UTS2R: variants seen among roughly 807,000 people sequenced by gnomAD.
UTS2R encodes urotensin-2 receptor.
For missense variants in UTS2R, 653 were observed against 562.2 expected, an observed-to-expected ratio of 1.16 and a Z score of -1.63; for synonymous variants, 335 against 280.9, an observed-to-expected ratio of 1.19 and a Z score of -1.93.
Position 82,375,517 on chromosome 17 carries a change from TC to T in UTS2R, c.*25del. On this transcript the variant is annotated 3_prime_UTR_variant, in exon 3 of 3. Coordinates refer to ENST00000313135, the MANE Select transcript of UTS2R (RefSeq NM_018949.3). The stretch of plus-strand genomic sequence containing the variant: ...TGAGCACGCGGAGGGGCGGCTGGAG[TC>T]CAGGCGGGGACGCGCCCCAAAGCCC... 1 of 1,056,720 alleles carries T rather than the reference TC, an allele frequency of 9.5e-7. No individual in the cohort carries two copies. The highest frequency in any genetic ancestry group is 1.3e-6 in the Non-Finnish European group (1 of 772,936). The allele number at this position is 1,056,720 out of a possible 1,614,324, so 65.5% of individuals were successfully genotyped here.
In UTS2R at chr17:82,377,083, A is replaced by G. The variant is rs1049381105; in HGVS notation, c.*1589A>G. Among the ~76,000 whole-genome samples the G allele has an allele frequency of 1.3e-5, 2 of 152,212 alleles. No homozygotes were observed. The highest frequency in any genetic ancestry group is 2.4e-5 in the African/African-American group (1 of 41,436). Reference sequence around the variant, plus strand: ...TGGTTGCCGTGTCTGTGTAGAAAGAAGTAGACATGGGAGACTTTTCATTTT... The same window carrying G: ...TGGTTGCCGTGTCTGTGTAGAAAGAGGTAGACATGGGAGACTTTTCATTTT... On this transcript the variant is annotated 3_prime_UTR_variant, in exon 3 of 3. Transcript: ENST00000313135.
rs2052469294 is a variant in UTS2R, at chr17:82,374,229, T to G, written c.-82-14T>G. On this transcript the variant is annotated splice_polypyrimidine_tract_variant and intron_variant, in intron 2 of 2. Transcript: ENST00000313135. ...GAGCGGAAGGTGTTGCCTGATTTGC[T>G]TCTTTCCCCACAGGCTGAGCTGGTT... The G allele has an allele frequency of 9.8e-7, 1 of 1,019,648 alleles. No individual in the cohort carries two copies. The highest frequency in any genetic ancestry group is 2.9e-5 in the Admixed American group (1 of 34,514). 63.2% of individuals were successfully genotyped at this position (1,019,648 alleles called of 1,614,324 possible).
Position 82,373,286 on chromosome 17 carries a change from C to T in UTS2R, c.-83+503C>T, listed in dbSNP as rs187460072. Among the ~76,000 whole-genome samples, 10 of 152,238 alleles carry T rather than the reference C, an allele frequency of 6.6e-5. No individual in the cohort carries two copies. The East Asian group carries it at 1.3e-3, about 21-fold the overall frequency. ...AAACAATTCTCCTGCCTCAGCCTCC[C>T]GAGCAGCTGGGATTACAGGCGTGTG... On this transcript the variant is annotated intron_variant, in intron 2 of 2. Coordinates refer to ENST00000313135, the MANE Select transcript of UTS2R (RefSeq NM_018949.3).
chr17:82,374,907 C>T lies in UTS2R; in HGVS notation c.583C>T (p.Pro195Ser). 8.4e-7 allele frequency: 1 copy of T among 1,193,180 alleles called. No homozygotes were observed. Among genetic ancestry groups the T allele is most frequent in the Non-Finnish European group, 1.2e-6 (1 of 831,874 alleles). 73.9% of individuals were successfully genotyped at this position (1,193,180 alleles called of 1,614,324 possible). A position where few individuals can be genotyped will look rare whatever the true frequency, so the allele number is the denominator to read the frequency against. ...GGCCATGCGGCTGGTGCGCCGGGGT[C>T]CCAAGAGCCTGTGCCTGCCCGCCTG... ...MLAMRLVRRG[P>S]KSLCLPAWGP... is the part of the protein sequence containing the mutation. The change falls in exon 3 of 3, where the codon CCC becomes TCC. Residue 195 changes from proline to serine, a missense_variant. Coordinates refer to ENST00000313135, the MANE Select transcript of UTS2R (RefSeq NM_018949.3).
rs1461746446 is a variant in UTS2R at position 82,374,957 on chromosome 17, C to T, written c.633C>T (p.Tyr211=). ...PAWGPRAHRA[Y]LTLLFATSIA... ...GGGGCCCGCGCGCCCACCGCGCCTA[C>T]CTGACGCTGCTCTTCGCCACCAGCA... The change falls in exon 3 of 3, where the codon TAC becomes TAT. Residue 211 remains tyrosine, a synonymous_variant. Transcript: ENST00000313135. 5.2e-5 allele frequency: 60 copies of T among 1,146,724 alleles called. No homozygotes were observed. The Admixed American group carries it at 1.2e-3, about 23-fold the overall frequency. 71.0% of individuals were successfully genotyped at this position (1,146,724 alleles called of 1,614,324 possible).
In UTS2R at chr17:82,377,230, G is replaced by A. The variant is rs1452388509; in HGVS notation, c.*1736G>A. 6.6e-6 allele frequency among the ~76,000 whole-genome samples: 1 copy of A among 152,112 alleles called. No homozygotes were observed. Among genetic ancestry groups the A allele is most frequent in the South Asian group, 2.1e-4 (1 of 4,826 alleles). On this transcript the variant is annotated 3_prime_UTR_variant, in exon 3 of 3. Coordinates refer to ENST00000313135, the MANE Select transcript of UTS2R (RefSeq NM_018949.3). Reference sequence around the variant, plus strand: ...CAGGGTTGAATGGATTAAGGGCGGTGCAAGATGTGCTTTGTTAAACAGATG... The same window carrying A: ...CAGGGTTGAATGGATTAAGGGCGGTACAAGATGTGCTTTGTTAAACAGATG...
rs924418127 is a variant in UTS2R, at chr17:82,371,927, G to A, written c.-389G>A. Among the ~76,000 whole-genome samples the A allele has an allele frequency of 6.6e-6, 1 of 151,992 alleles. No individual in the cohort carries two copies. The highest frequency in any genetic ancestry group is 2.1e-4 in the South Asian group (1 of 4,830). On this transcript the variant is annotated 5_prime_UTR_variant, in exon 1 of 3. Transcript: ENST00000313135. The surrounding 1 kb of genome is among the most constrained non-coding windows in gnomAD (Gnocchi z 6.3). ...GCCCCCTCTGCGCTGGGACAGGGGA[G>A]CGCGCCTCGGAAAGTTCCCCGCGGC...
chr17:82,373,905 G>C (rs1370747875), intron 2 of UTS2R, among the ~76,000 whole-genome samples: 2 of 152,242 alleles, frequency 1.3e-5, no homozygotes, highest in Admixed American at 1.3e-4. Context: ...GGGCGCAATG[G>C]GCAGAGCCCA....
intron 2 of UTS2R, among the ~76,000 whole-genome samples, chr17:82,373,755 T>G (rs1444518621): frequency 1.3e-5 from 2 of 152,238 alleles, no homozygotes; most frequent in Non-Finnish European, 2.9e-5. Context: ...TTCTTCTATT[T>G]GGACTTTTAA....
At chr17:82,373,939 C>T (rs2052466894) in intron 2 of UTS2R, among the ~76,000 whole-genome samples, 1 of 152,196 alleles carries the variant, frequency 6.6e-6, no homozygotes, top group African/African-American at 2.4e-5. Context: ...TGTCCACTGC[C>T]GACCTCTGCC....
Position 82,374,519 on chromosome 17 carries a change from C to A in UTS2R, c.195C>A (p.Gly65=). 6.3e-7 allele frequency: 1 copy of A among 1,583,144 alleles called. No homozygotes were observed. Among genetic ancestry groups the A allele is most frequent in the Non-Finnish European group, 8.6e-7 (1 of 1,165,500 alleles). Residue 65 remains glycine (G), a synonymous_variant, in exon 3 of 3, where the codon GGC becomes GGA. Coordinates refer to ENST00000313135, the MANE Select transcript of UTS2R (RefSeq NM_018949.3). ...TGCTGTCGGCCATGGGCGTGGTGGGCGTGGTGGGCAACGCCTACACGCTGG... is the reference window on the plus strand; with the variant it reads ...TGCTGTCGGCCATGGGCGTGGTGGGAGTGGTGGGCAACGCCTACACGCTGG... ...GTLLSAMGVV[G]VVGNAYTLVV...
At position 82,374,285 on chromosome 17, in the gene UTS2R, A is replaced by C; in HGVS notation, c.-40A>C. The C allele has an allele frequency of 1.4e-6, 2 of 1,468,654 alleles. No individual in the cohort carries two copies. Among genetic ancestry groups the C allele is most frequent in the Non-Finnish European group, 1.8e-6 (2 of 1,107,672 alleles). 91.0% of individuals were successfully genotyped at this position (1,468,654 alleles called of 1,614,324 possible). On this transcript the variant is annotated 5_prime_UTR_variant, in exon 3 of 3. Coordinates refer to ENST00000313135, the MANE Select transcript of UTS2R (RefSeq NM_018949.3). ...CAGGGGCCCCCGCCCCATCTCAGGG[A>C]GTGTCCACCCAGCCCTGAGCCCGTC... is the stretch of plus-strand genomic sequence containing the variant.
chr17:82,374,444 C>G lies in UTS2R; in HGVS notation c.120C>G (p.Thr40=). The change falls in exon 3 of 3, where the codon ACC becomes ACG. Residue 40 remains threonine (T), a synonymous_variant. Coordinates refer to ENST00000313135, the MANE Select transcript of UTS2R (RefSeq NM_018949.3). ...TCAACAGCTCCTGGGCCAGCCCGACCGAGCCCAGCTCCCTGGAGGACCTGG... is the reference window on the plus strand; with the variant it reads ...TCAACAGCTCCTGGGCCAGCCCGACGGAGCCCAGCTCCCTGGAGGACCTGG... ...ATLNSSWASP[T]EPSSLEDLVA... is the part of the protein sequence containing the mutation. The G allele has an allele frequency of 6.3e-7, 1 of 1,599,572 alleles. No individual in the cohort carries two copies. The highest frequency in any genetic ancestry group is 1.7e-4 in the Middle Eastern group (1 of 6,050).
At position 82,375,306 on chromosome 17, in the gene UTS2R, G is replaced by A. The variant is rs1393619568; in HGVS notation, c.982G>A (p.Gly328Ser). 5 of 1,546,498 alleles carry A rather than the reference G, an allele frequency of 3.2e-6. No individual in the cohort carries two copies. The highest frequency in any genetic ancestry group is 2.6e-6 in the Non-Finnish European group (3 of 1,146,662). The stretch of plus-strand genomic sequence containing the variant: ...CAGGAACTACCGCGACCACCTGCGC[G>A]GCCGCGTGCGGGGCCCGGGCAGCGG... ...LTRNYRDHLR[G>S]RVRGPGSGGG... Residue 328 changes from glycine (G) to serine (S), a missense_variant, in exon 3 of 3, where the codon GGC becomes AGC. Transcript: ENST00000313135.
intron 2 of UTS2R, among the ~76,000 whole-genome samples, chr17:82,373,897 G>A (rs1258735565): frequency 1.3e-5 from 2 of 152,248 alleles, no homozygotes; most frequent in Non-Finnish European, 2.9e-5. Context: ...GCCTGGGGGG[G>A]CGCAATGGGC....
rs574966749 is a variant in UTS2R, at chr17:82,377,274, G to T, written c.*1780G>T. On this transcript the variant is annotated 3_prime_UTR_variant, in exon 3 of 3. Transcript: ENST00000313135. Reference sequence around the variant, plus strand: ...ACAGATGCTTGAAGGCAGCACGCTCGTTAGGAGTCATCACCACTCCCTAAT... The same window carrying T: ...ACAGATGCTTGAAGGCAGCACGCTCTTTAGGAGTCATCACCACTCCCTAAT... Among the ~76,000 whole-genome samples the T allele has an allele frequency of 6.6e-6, 1 of 152,140 alleles. No homozygotes were observed. The highest frequency in any genetic ancestry group is 1.5e-5 in the Non-Finnish European group (1 of 68,020).
At position 82,374,383 on chromosome 17, in the gene UTS2R, C is replaced by G. The variant is rs2052470771; in HGVS notation, c.59C>G (p.Ser20Cys). The change falls in exon 3 of 3, where the codon TCT becomes TGT. Residue 20 changes from serine (S) to cysteine (C), a missense_variant. Physicochemically the swap from Ser to Cys is moderately radical, Grantham distance 112. Transcript: ENST00000313135. The stretch of plus-strand genomic sequence containing the variant: ...CCTGGGCTGGCCGCCACTGGCAGCT[C>G]TGTGCCGGAGCCGCCTGGCGGCCCC... ...SFPGLAATGSSVPEPPGGPNA... is the reference protein window; with the variant it reads ...SFPGLAATGSCVPEPPGGPNA... The G allele has an allele frequency of 2.5e-6, 4 of 1,589,374 alleles. No homozygotes were observed. Among genetic ancestry groups the G allele is most frequent in the African/African-American group, 2.7e-5 (2 of 74,574 alleles).
Position 82,371,787 on chromosome 17 carries a change from A to AGGT in UTS2R, c.-526_-524dup, listed in dbSNP as rs2052453240. 6.6e-6 allele frequency among the ~76,000 whole-genome samples: 1 copy of AGGT among 150,982 alleles called. No homozygotes were observed. The highest frequency in any genetic ancestry group is 2.1e-4 in the South Asian group (1 of 4,796). On this transcript the variant is annotated 5_prime_UTR_variant, in exon 1 of 3. Transcript: ENST00000313135. The surrounding 1 kb of genome is among the most constrained non-coding windows in gnomAD (Gnocchi z 6.3). ...GGCGCATTCCCAGCTGGCGGCGGGC[A>AGGT]GGTGGCGGCGGCGCAGAGACCCGGC...
Position 82,374,654 on chromosome 17 carries a change from C to T in UTS2R, c.330C>T (p.Thr110=). 2.5e-6 allele frequency: 4 copies of T among 1,613,466 alleles called. No individual in the cohort carries two copies. The highest frequency in any genetic ancestry group is 3.4e-6 in the Non-Finnish European group (4 of 1,179,926). The change falls in exon 3 of 3, where the codon ACC becomes ACT. Residue 110 remains threonine, a synonymous_variant. Coordinates refer to ENST00000313135, the MANE Select transcript of UTS2R (RefSeq NM_018949.3). ...TCAGCATCCCCTTCATCGTGGCCAC[C>T]TACGTCACCAAGGAGTGGCACTTCG... ...YLLSIPFIVA[T]YVTKEWHFGD... is the part of the protein sequence containing the mutation.
Sources: allele counts gnomAD v4.1 joint callset (sites outside exome capture counted in the v4.1 genomes callset), GRCh38; gene constraint gnomAD v4.1.1; non-coding constraint Gnocchi (gnomAD v3.1); transcripts MANE v1.5; gene names NCBI Gene and HGNC (gene_info 2026-07-23, HGNC 2026-07-21).